The following ASTN2 variants were observed in gnomAD, a reference collection of about 807,000 sequenced individuals.
The protein encoded by ASTN2 is astrotactin 2.
Under a neutral mutation model 139.8 loss-of-function variants are expected in ASTN2, and 54 were observed. The observed-to-expected ratio is 0.39, with a 90% confidence interval of 0.31 to 0.48. The LOEUF (loss-of-function observed/expected upper bound fraction) is 0.48. ASTN2 is among the 20% of genes least tolerant of loss of function. The probability of loss-of-function intolerance (pLI) is 0.95; values close to 1 mark genes in which losing one functional copy is unlikely to be tolerated. For synonymous variants in ASTN2, 756 were observed against 719.5 expected, an observed-to-expected ratio of 1.05 and a Z score of -0.81; for missense variants, 1,565 against 1,725.1, an observed-to-expected ratio of 0.91 and a Z score of 1.64.
chr9:116,901,445 A>G lies in ASTN2; in HGVS notation c.1890-37712T>C, dbSNP rs562364312. On this transcript the variant is annotated intron_variant, in intron 10 of 22. Transcript: ENST00000313400. ...AGGTAGAGGGTTGCCTGAGTTTAAG[A>G]GGTTGAGGCAGCAGTGAGCTGAGAT... Among the ~76,000 whole-genome samples, 4 of 152,256 alleles carry G rather than the reference A, an allele frequency of 2.6e-5. No individual in the cohort carries two copies. The South Asian group carries it at 8.3e-4, about 32-fold the overall frequency.
At chr9:117,149,187 T>G (rs1451119014) in intron 3 of ASTN2, among the ~76,000 whole-genome samples, 1 of 151,894 alleles carries the variant, frequency 6.6e-6, no homozygotes, top group African/African-American at 2.4e-5. Context: ...GTCCGGCTAA[T>G]TTTTGTATTT....
intron 19 of ASTN2, among the ~76,000 whole-genome samples, chr9:116,603,782 C>G (rs536208577): frequency 6.6e-6 from 1 of 152,270 alleles, no homozygotes; most frequent in Non-Finnish European, 1.5e-5. Flanking sequence ...GAGAGAAATA[C>G]AGATTTTCTT....
intron 16 of ASTN2, among the ~76,000 whole-genome samples, chr9:116,718,966 G>GTATATATATATATATATATATATATATA (rs1219672903): frequency 2.8e-4 from 9 of 31,816 alleles, no homozygotes; most frequent in African/African-American, 1.0e-3. Context: ...ATCTATACCT[G>GTATATATATATATATATATATATATATA]TATCTGTACA....
rs746249935 is a variant in ASTN2 at position 117,414,605 on chromosome 9, C to A, written c.334G>T (p.Gly112Cys). 8.9e-6 allele frequency: 14 copies of A among 1,567,638 alleles called. No individual in the cohort carries two copies. The highest frequency in any genetic ancestry group is 2.5e-5 in the East Asian group (1 of 39,358). Residue 112 changes from glycine (G) to cysteine (C), a missense_variant, in exon 1 of 23, where the codon GGC becomes TGC. Physicochemically the swap from Gly to Cys is radical, Grantham distance 159. This residue lies in a region of ASTN2 where 596 missense variants were observed against 576.8 expected (regional missense o/e 1.03). Transcript: ENST00000313400. The surrounding 1 kb of genome is among the most constrained non-coding windows in gnomAD (Gnocchi z 4.2). Reference sequence around the variant, plus strand: ...AGGAGGCGCGACTCGGCGGCGGTGCCGGCAGAGCCAGGAGAGCCCGGGGAC... The same window carrying A: ...AGGAGGCGCGACTCGGCGGCGGTGCAGGCAGAGCCAGGAGAGCCCGGGGAC... ...AASPGSPGSA[G>C]TAAESRLLLF...
intron 19 of ASTN2, among the ~76,000 whole-genome samples, chr9:116,572,161 C>A (rs1305764949): frequency 6.6e-6 from 1 of 152,170 alleles, no homozygotes; most frequent in Non-Finnish European, 1.5e-5. Context: ...TCCCTGCCAG[C>A]TCCTCCTCCC....
intron 20 of ASTN2, among the ~76,000 whole-genome samples, chr9:116,474,391 T>C (rs1013495027): frequency 4.6e-5 from 7 of 152,054 alleles, no homozygotes; most frequent in African/African-American, 1.7e-4. Context: ...GATTCAAATA[T>C]GAAAGTGGAA....
At chr9:116,446,032 G>C (rs1847977028) in intron 20 of ASTN2, among the ~76,000 whole-genome samples, 1 of 152,036 alleles carries the variant, frequency 6.6e-6, no homozygotes, top group Admixed American at 6.6e-5. Flanking sequence ...AAGCTGTTAG[G>C]GGACCAGGCA....
chr9:116,513,557 G>A (rs1463927114), intron 19 of ASTN2, among the ~76,000 whole-genome samples: 2 of 152,222 alleles, frequency 1.3e-5, no homozygotes, highest in East Asian at 1.9e-4. Context: ...GCCTTGCTAG[G>A]TTGGGGAAGC....
chr9:116,958,336 A>G (rs1835777945), intron 10 of ASTN2, among the ~76,000 whole-genome samples: 2 of 152,074 alleles, frequency 1.3e-5, no homozygotes, highest in Non-Finnish European at 2.9e-5. Context: ...CACGCCTGTA[A>G]TCTCAGCACT....
chr9:116,533,026 T>G (rs1851430358), intron 19 of ASTN2, among the ~76,000 whole-genome samples: 1 of 152,178 alleles, frequency 6.6e-6, no homozygotes, highest in Non-Finnish European at 1.5e-5. Context: ...TGTGTCCTCT[T>G]TTATCTCATT....
At chr9:117,276,784 A>T (rs929409419) in intron 2 of ASTN2, among the ~76,000 whole-genome samples, 5 of 152,156 alleles carry the variant, frequency 3.3e-5, no homozygotes, top group African/African-American at 1.2e-4. Flanking sequence ...CAAACACAGG[A>T]TGTGGATCCC....
intron 1 of ASTN2, among the ~76,000 whole-genome samples, chr9:117,382,768 G>C (rs1830304464): frequency 6.6e-6 from 1 of 152,172 alleles, no homozygotes; most frequent in South Asian, 2.1e-4. Context: ...AGAGGCAGTG[G>C]TGGGGAAAGT....
chr9:116,884,120 G>A (rs1564321794), intron 10 of ASTN2, among the ~76,000 whole-genome samples: 2 of 152,098 alleles, frequency 1.3e-5, no homozygotes, highest in Non-Finnish European at 1.5e-5. Flanking sequence ...AGAGTTCATC[G>A]TTAATAGAGA....
In ASTN2 at chr9:116,688,750, G is replaced by C. The variant is rs116464901; in HGVS notation, c.2807-36957C>G. Among the ~76,000 whole-genome samples the C allele has an allele frequency of 4.6e-3, 694 of 152,254 alleles. 3 individuals carry two copies. The highest frequency in any genetic ancestry group is 0.016 in the African/African-American group (668 of 41,534). On this transcript the variant is annotated intron_variant, in intron 16 of 22. Transcript: ENST00000313400. ...CCCAAGCTACGATAGCAGATAGAAAGTGAGACCTCCAGGGGAATGAGTGGA... is the reference window on the plus strand; with the variant it reads ...CCCAAGCTACGATAGCAGATAGAAACTGAGACCTCCAGGGGAATGAGTGGA...
At chr9:117,052,441 A>C (rs1838940822) in intron 5 of ASTN2, among the ~76,000 whole-genome samples, 2 of 151,748 alleles carry the variant, frequency 1.3e-5, no homozygotes, top group African/African-American at 4.8e-5. Context: ...TCTTAAAAAA[A>C]AAAAAAAAAA....
At chr9:116,610,568 G>T (rs112799020) in intron 19 of ASTN2, among the ~76,000 whole-genome samples, 1 of 151,920 alleles carries the variant, frequency 6.6e-6, no homozygotes, top group Non-Finnish European at 1.5e-5. Context: ...GTGCCATTGC[G>T]CTCCAGCCTA....
intron 16 of ASTN2, among the ~76,000 whole-genome samples, chr9:116,684,459 G>T (rs1428594352): frequency 2.6e-5 from 4 of 152,126 alleles, no homozygotes; most frequent in Admixed American, 1.3e-4. Flanking sequence ...TTATTTGTGG[G>T]TTGGAAGTCG....
intron 20 of ASTN2, among the ~76,000 whole-genome samples, chr9:116,475,790 G>A (rs1848960207): frequency 6.6e-6 from 1 of 152,006 alleles, no homozygotes; most frequent in South Asian, 2.1e-4. Flanking sequence ...CAACTCCCTG[G>A]AAGCTTCCCC....
At chr9:117,010,744 T>A (rs114843463) in intron 6 of ASTN2, among the ~76,000 whole-genome samples, 9 of 152,218 alleles carry the variant, frequency 5.9e-5, no homozygotes, top group African/African-American at 2.2e-4. Flanking sequence ...ATGAGCAAAG[T>A]GGGATTGGGC....
Sources: allele counts gnomAD v4.1 joint callset (sites outside exome capture counted in the v4.1 genomes callset), GRCh38; gene constraint gnomAD v4.1.1; regional missense constraint gnomAD v4.1.1; non-coding constraint Gnocchi (gnomAD v3.1); transcripts MANE v1.5; gene names NCBI Gene and HGNC (gene_info 2026-07-23, HGNC 2026-07-21).